The following SLC45A3 variants were observed in gnomAD, a reference collection of about 807,000 sequenced individuals.
The protein encoded by SLC45A3 is solute carrier family 45 member 3.
In SLC45A3, 17 loss-of-function variants were observed where a neutral mutation model predicts 35.3. The observed-to-expected ratio is 0.48, with a 90% CI of 0.33 to 0.72. The LOEUF is 0.72. SLC45A3 is among the 30% of genes least tolerant of loss of function. The pLI, the probability that SLC45A3 is intolerant of heterozygous loss-of-function variation, is 0.02. For missense variants in SLC45A3, 597 were observed against 731.7 expected, an observed-to-expected ratio of 0.82 and a Z score of 2.12; for synonymous variants, 288 against 334.3, an observed-to-expected ratio of 0.86 and a Z score of 1.51.
At position 205,662,989 on chromosome 1, in the gene SLC45A3, G is replaced by T. The variant is rs1420132503; in HGVS notation, c.802C>A (p.Pro268Thr). 1.8e-5 allele frequency: 29 copies of T among 1,612,928 alleles called. No individual in the cohort carries two copies. The highest frequency in any genetic ancestry group is 2.5e-5 in the Non-Finnish European group (29 of 1,179,704). Residue 268 changes from proline (P) to threonine (T), a missense_variant, in exon 3 of 5, where the codon CCC (proline) becomes ACC (threonine). This residue lies in a region of SLC45A3 where 555 missense variants were observed against 664.9 expected (regional missense o/e 0.83). Coordinates refer to ENST00000367145, the MANE Select transcript of SLC45A3 (RefSeq NM_033102.3). The surrounding 1 kb of genome is among the most constrained non-coding windows in gnomAD (Gnocchi z 6.2). ...ACGAAGAGCCGGCGCAGGGTGCGGG[G>T]CATGCGGCAGCACAGCTGGTGCAGC... ...PRLHQLCCRM[P>T]RTLRRLFVAE...
At chr1:205,674,946 C>T (rs1671287190) in intron 1 of SLC45A3, among the ~76,000 whole-genome samples, 2 of 152,174 alleles carry the variant, frequency 1.3e-5, no homozygotes, top group Non-Finnish European at 2.9e-5. Flanking sequence ...GAACACCTGA[C>T]CTCAGCTGAT....
At chr1:205,665,020 C>G in intron 1 of SLC45A3, 134 bp from the exon 2 acceptor site, 1 of 767,180 alleles carries the variant, frequency 1.3e-6, no homozygotes, top group Non-Finnish European at 1.7e-6. Flanking sequence ...GGTGCCACCC[C>G]CTTCTGCCCA....
In SLC45A3 at chr1:205,659,152, C is replaced by A; in HGVS notation, c.*82G>T. 6.9e-7 allele frequency: 1 copy of A among 1,440,764 alleles called. No homozygotes were observed. The highest frequency in any genetic ancestry group is 1.4e-5 in the South Asian group (1 of 73,808). 89.2% of individuals were successfully genotyped at this position (1,440,764 alleles called of 1,614,324 possible). On this transcript the variant is annotated 3_prime_UTR_variant, in exon 5 of 5. Coordinates refer to ENST00000367145, the MANE Select transcript of SLC45A3 (RefSeq NM_033102.3). The surrounding 1 kb of genome is among the most constrained non-coding windows in gnomAD (Gnocchi z 5.8). Reference sequence around the variant, plus strand: ...GCAGCAACAGAAACTGGCGGCCAGCCCGGCAGCCCCATGGGGCTAACAGGA... The same window carrying A: ...GCAGCAACAGAAACTGGCGGCCAGCACGGCAGCCCCATGGGGCTAACAGGA...
intron 2 of SLC45A3, among the ~76,000 whole-genome samples, chr1:205,663,841 A>AGG (rs1671072390): frequency 6.6e-6 from 1 of 152,206 alleles, no homozygotes; most frequent in Non-Finnish European, 1.5e-5. Flanking sequence ...AGTGATACTT[A>AGG]TTCAAAGGCG....
chr1:205,662,369 T>G lies in SLC45A3; in HGVS notation c.959-243A>C. ...AGAGGAAGGTAGTCTGAAGGTTTCC[T>G]GGGAGTCTCAGCTGTGAGGACAGGC... is the stretch of plus-strand genomic sequence containing the variant. On this transcript the variant is annotated intron_variant, in intron 3 of 4. Coordinates refer to ENST00000367145, the MANE Select transcript of SLC45A3 (RefSeq NM_033102.3). The surrounding 1 kb of genome is among the most constrained non-coding windows in gnomAD (Gnocchi z 6.2). 2 of 1,395,124 alleles carry G rather than the reference T, an allele frequency of 1.4e-6. No homozygotes were observed. Among genetic ancestry groups the G allele is most frequent in the Non-Finnish European group, 1.9e-6 (2 of 1,078,712 alleles). The allele number at this position is 1,395,124 out of a possible 1,614,324, so 86.4% of individuals were successfully genotyped here.
chr1:205,659,323 CCA>C lies in SLC45A3; in HGVS notation c.1571_1572del (p.Met524SerfsTer20). ...ACCAGACCCAGGCCTGCGGCAGACA[CCA>C]TATAGGCAGTGACAGACTGGCTGAG... ...VQLSQSVTAYMVSAAGLGLVA... is the reference protein window; with the variant it reads ...VQLSQSVTAYXVSAAGLGLVA... On this transcript the variant is annotated frameshift_variant, in exon 5 of 5. Transcript: ENST00000367145. LOFTEE classifies it high-confidence loss of function. The surrounding 1 kb of genome is among the most constrained non-coding windows in gnomAD (Gnocchi z 5.8). 1 of 1,614,218 alleles carries C rather than the reference CCA, an allele frequency of 6.2e-7. No homozygotes were observed. The highest frequency in any genetic ancestry group is 1.1e-5 in the South Asian group (1 of 91,090).
chr1:205,675,699 T>C (rs1035002702), intron 1 of SLC45A3, among the ~76,000 whole-genome samples: 1 of 152,148 alleles, frequency 6.6e-6, no homozygotes, highest in Non-Finnish European at 1.5e-5. Context: ...TCATCAGCAC[T>C]AGGCTTGTTT....
At chr1:205,660,547 A>G (rs998420189) in intron 4 of SLC45A3, among the ~76,000 whole-genome samples, 2 of 152,192 alleles carry the variant, frequency 1.3e-5, no homozygotes, top group Non-Finnish European at 2.9e-5. Context: ...ATGCAGCTCA[A>G]CAAGTGGGCA....
At chr1:205,667,399 C>T (rs900622073) in intron 1 of SLC45A3, among the ~76,000 whole-genome samples, 2 of 152,090 alleles carry the variant, frequency 1.3e-5, no homozygotes, top group Admixed American at 1.3e-4. Flanking sequence ...CCCAGCTACT[C>T]GGGAGGCTGA....
rs1427104480 is a variant in SLC45A3, at chr1:205,659,244, T to C, written c.1652A>G (p.Tyr551Cys). ...TGTGCTGGAAGTTTTCTACGCTGAGTATTTGGCCAAGTCGCTCTTGTCAAA... is the reference window on the plus strand; with the variant it reads ...TGTGCTGGAAGTTTTCTACGCTGAGCATTTGGCCAAGTCGCTCTTGTCAAA... Reference protein sequence around the residue: ...VVFDKSDLAKYSA With the variant: ...VVFDKSDLAKCSA Residue 551 changes from tyrosine (Y) to cysteine (C), a missense_variant, in exon 5 of 5, where the codon TAC becomes TGC. By Grantham distance (194) the Tyr-to-Cys change is radical. Coordinates refer to ENST00000367145, the MANE Select transcript of SLC45A3 (RefSeq NM_033102.3). The surrounding 1 kb of genome is among the most constrained non-coding windows in gnomAD (Gnocchi z 5.8). 3 of 1,610,940 alleles carry C rather than the reference T, an allele frequency of 1.9e-6. No homozygotes were observed. The highest frequency in any genetic ancestry group is 2.2e-5 in the East Asian group (1 of 44,858).
chr1:205,664,687 C>T lies in SLC45A3; in HGVS notation c.-31G>A, dbSNP rs373921346. ...GCCAGGCGGGTAGGGCTCAGGGGGC[C>T]GTTCAGGCACTCCAGAACTGCTTCG... On this transcript the variant is annotated 5_prime_UTR_variant, in exon 2 of 5. Transcript: ENST00000367145. The surrounding 1 kb of genome is among the most constrained non-coding windows in gnomAD (Gnocchi z 5.3). 23 of 1,610,452 alleles carry T rather than the reference C, an allele frequency of 1.4e-5. No individual in the cohort carries two copies. Among genetic ancestry groups the T allele is most frequent in the East Asian group, 2.2e-5 (1 of 44,824 alleles).
At chr1:205,671,947 T>A (rs1671224101) in intron 1 of SLC45A3, among the ~76,000 whole-genome samples, 1 of 152,138 alleles carries the variant, frequency 6.6e-6, no homozygotes, top group African/African-American at 2.4e-5. Flanking sequence ...TTATAATACA[T>A]ACTAGGCACT....
In SLC45A3 at chr1:205,666,491, A is replaced by C. The variant is rs182915861; in HGVS notation, c.-230-1605T>G. On this transcript the variant is annotated intron_variant, in intron 1 of 4. Coordinates refer to ENST00000367145, the MANE Select transcript of SLC45A3 (RefSeq NM_033102.3). The surrounding 1 kb of genome is among the most constrained non-coding windows in gnomAD (Gnocchi z 4.1). Reference sequence around the variant, plus strand: ...CCACTGCCTCCAGTCTGGGTGACAGAGGGAGACACTGCCTAAAAAAACATC... The same window carrying C: ...CCACTGCCTCCAGTCTGGGTGACAGCGGGAGACACTGCCTAAAAAAACATC... Among the ~76,000 whole-genome samples, 39 of 152,182 alleles carry C rather than the reference A, an allele frequency of 2.6e-4. No homozygotes were observed. Among genetic ancestry groups the C allele is most frequent in the Non-Finnish European group, 5.1e-4 (35 of 68,022 alleles).
intron 1 of SLC45A3, among the ~76,000 whole-genome samples, chr1:205,670,924 T>TC (rs920208904): frequency 1.7e-4 from 26 of 151,952 alleles, no homozygotes; most frequent in African/African-American, 4.8e-4. Context: ...AATGGCTCCC[T>TC]CCCCCCACTC....
intron 1 of SLC45A3, among the ~76,000 whole-genome samples, chr1:205,674,553 C>T (rs1170353849): frequency 7.1e-6 from 1 of 139,986 alleles, no homozygotes; most frequent in Non-Finnish European, 1.5e-5. Context: ...CGTGACTGCA[C>T]TCCAGCCTGG....
chr1:205,680,031 TCGGCCCGGCCCGGTC>T (rs1474215291), intron 1 of SLC45A3, among the ~76,000 whole-genome samples: 17 of 147,792 alleles, frequency 1.2e-4, no homozygotes, highest in Middle Eastern at 3.4e-3. Context: ...CCGCCAGCCG[TCGGCCCGGCCCGGTC>T]CGGCCCGGCC....
At position 205,658,718 on chromosome 1, in the gene SLC45A3, C is replaced by G. The variant is rs1670964111; in HGVS notation, c.*516G>C. On this transcript the variant is annotated 3_prime_UTR_variant, in exon 5 of 5. Coordinates refer to ENST00000367145, the MANE Select transcript of SLC45A3 (RefSeq NM_033102.3). ...TTCTTGTGTGTTGCCCCTCAGGACT[C>G]TTCCCCTACAAATAACTTTCATATG... is the stretch of plus-strand genomic sequence containing the variant. The G allele has an allele frequency of 4.2e-6, 1 of 238,988 alleles. No homozygotes were observed. The highest frequency in any genetic ancestry group is 8.3e-6 in the Non-Finnish European group (1 of 120,806). The allele number at this position is 238,988 out of a possible 1,614,324, so 14.8% of individuals were successfully genotyped here. A position where few individuals can be genotyped will look rare whatever the true frequency, so the allele number is the denominator to read the frequency against.
At chr1:205,668,689 G>A (rs1323407131) in intron 1 of SLC45A3, among the ~76,000 whole-genome samples, 1 of 152,160 alleles carries the variant, frequency 6.6e-6, no homozygotes, top group Non-Finnish European at 1.5e-5. Flanking sequence ...GAGTGGGCAG[G>A]AAGAGGAAGG....
chr1:205,659,055 C>T lies in SLC45A3; in HGVS notation c.*179G>A, dbSNP rs1027579276. Reference sequence around the variant, plus strand: ...AGAGACTGGGGAGAGAGGAGAGGGACGCCCCAGCCCCCAGCTGTGCAGCTA... The same window carrying T: ...AGAGACTGGGGAGAGAGGAGAGGGATGCCCCAGCCCCCAGCTGTGCAGCTA... On this transcript the variant is annotated 3_prime_UTR_variant, in exon 5 of 5. Transcript: ENST00000367145. This position sits in a 1 kb window ranked among gnomAD's most constrained non-coding sequence, Gnocchi z 5.8. 2.9e-5 allele frequency: 19 copies of T among 647,028 alleles called. No homozygotes were observed. Among genetic ancestry groups the T allele is most frequent in the African/African-American group, 2.0e-4 (11 of 54,740 alleles). 40.1% of individuals were successfully genotyped at this position (647,028 alleles called of 1,614,324 possible). A position where few individuals can be genotyped will look rare whatever the true frequency, so the allele number is the denominator to read the frequency against.
Sources: gnomAD v4.1 joint callset for allele counts (sites outside exome capture counted in the v4.1 genomes callset) on GRCh38, gnomAD v4.1.1 for gene constraint, gnomAD v4.1.1 regional missense constraint, Gnocchi (gnomAD v3.1) non-coding constraint, MANE v1.5 for transcripts, NCBI Gene and HGNC (gene_info 2026-07-23, HGNC 2026-07-21) for gene names.